MSI2: variants seen among roughly 807,000 people sequenced by gnomAD.
The protein encoded by MSI2 is RNA-binding protein Musashi homolog 2.
MSI2 carries 17 observed loss-of-function variants against 45.6 expected under a neutral mutation model. That is an observed-to-expected ratio of 0.37 (90% CI 0.26 to 0.56). The LOEUF (loss-of-function observed/expected upper bound fraction) is 0.56, where lower values mean the gene tolerates loss of function less well. Ranked by LOEUF, MSI2 falls within the 20% of genes least tolerant of loss-of-function variation. The pLI is 0.77. For synonymous variants in MSI2, 156 were observed against 158.2 expected, an observed-to-expected ratio of 0.99 and a Z score of 0.11; for missense variants, 293 against 444.2, an observed-to-expected ratio of 0.66 and a Z score of 3.06.
intron 5 of MSI2, among the ~76,000 whole-genome samples, chr17:57,314,962 T>C (rs1217582377): frequency 6.6e-6 from 1 of 152,176 alleles, no homozygotes; most frequent in African/African-American, 2.4e-5. Context: ...CAGCCTTGGC[T>C]GCAGGTTAGA....
At chr17:57,570,452 A>G (rs554436328) in intron 7 of MSI2, among the ~76,000 whole-genome samples, 124 of 152,224 alleles carry the variant, frequency 8.1e-4, no homozygotes, top group Middle Eastern at 3.4e-3. Flanking sequence ...ATTATTTGTG[A>G]GTTATCCACG....
At chr17:57,437,408 G>A (rs1157899283) in intron 6 of MSI2, among the ~76,000 whole-genome samples, 1 of 152,166 alleles carries the variant, frequency 6.6e-6, no homozygotes, top group African/African-American at 2.4e-5. Flanking sequence ...GTCAGAACTC[G>A]AATTCCAATT....
chr17:57,367,891 C>T (rs1269441739), intron 5 of MSI2, among the ~76,000 whole-genome samples: 1 of 152,054 alleles, frequency 6.6e-6, no homozygotes, highest in Non-Finnish European at 1.5e-5. Flanking sequence ...GGGTAGGAGA[C>T]GGAGGGTGCC....
intron 6 of MSI2, among the ~76,000 whole-genome samples, chr17:57,478,088 G>A (rs1170662320): frequency 1.3e-5 from 2 of 152,142 alleles, no homozygotes; most frequent in Non-Finnish European, 2.9e-5. Flanking sequence ...AGAAGCTCTC[G>A]GGTCATCTCC....
rs2040532414 is a variant in MSI2 at position 57,309,634 on chromosome 17, T to G, written c.312+47442T>G. On this transcript the variant is annotated intron_variant, in intron 5 of 13. Transcript: ENST00000284073. ...GCACAAATGAGCAAGGATTTAGTCT[T>G]TGTGACTTGATCATCCTTGAGGGGA... 2.0e-5 allele frequency among the ~76,000 whole-genome samples: 3 copies of G among 152,180 alleles called. No individual in the cohort carries two copies. The South Asian group carries it at 6.2e-4, about 32-fold the overall frequency.
rs114726074 is a variant in MSI2, at chr17:57,266,704, T to C, written c.312+4512T>C. Reference sequence around the variant, plus strand: ...AATAAAAAAAAGTACAATGGTGAAATGACTGAAGGAAAATCTTAATTGGAA... The same window carrying C: ...AATAAAAAAAAGTACAATGGTGAAACGACTGAAGGAAAATCTTAATTGGAA... On this transcript the variant is annotated intron_variant, in intron 5 of 13. Transcript: ENST00000284073. 1,504 of 152,302 alleles carry C rather than the reference T, an allele frequency of 9.9e-3. 27 individuals carry two copies. The highest frequency in any genetic ancestry group is 0.034 in the African/African-American group (1,432 of 41,552). The allele number at this position is 152,302 out of a possible 1,614,324, so 9.4% of individuals were successfully genotyped here.
intron 7 of MSI2, among the ~76,000 whole-genome samples, chr17:57,533,839 TG>T (rs1355114796): frequency 2.0e-5 from 3 of 152,170 alleles, no homozygotes; most frequent in Non-Finnish European, 4.4e-5. Context: ...TGATGTGACC[TG>T]GGCTTCCCCT....
chr17:57,568,150 C>T (rs1014056466), intron 7 of MSI2, among the ~76,000 whole-genome samples: 2 of 152,086 alleles, frequency 1.3e-5, no homozygotes, highest in African/African-American at 4.8e-5. Context: ...CACTGCTCTC[C>T]GAGAGGGGAC....
intron 6 of MSI2, among the ~76,000 whole-genome samples, chr17:57,461,382 T>C (rs2085224737): frequency 6.6e-6 from 1 of 152,170 alleles, no homozygotes; most frequent in African/African-American, 2.4e-5. Context: ...AGAGTGCTGA[T>C]GTATTAAAAA....
intron 6 of MSI2, among the ~76,000 whole-genome samples, chr17:57,502,965 A>C (rs2086149482): frequency 6.6e-6 from 1 of 151,582 alleles, no homozygotes. Flanking sequence ...TGTATGAGAC[A>C]CTTAATTTTT....
intron 6 of MSI2, among the ~76,000 whole-genome samples, chr17:57,485,434 G>GA (rs564176760): frequency 3.5e-4 from 53 of 152,246 alleles, no homozygotes; most frequent in African/African-American, 1.1e-3. Context: ...TGCGTATCTG[G>GA]AAAAAAACAG....
intron 7 of MSI2, among the ~76,000 whole-genome samples, chr17:57,561,390 G>A (rs555867547): frequency 1.3e-5 from 2 of 152,200 alleles, no homozygotes; most frequent in African/African-American, 2.4e-5. Context: ...AAAAATCCCC[G>A]CTCTTGCTCT....
intron 6 of MSI2, among the ~76,000 whole-genome samples, chr17:57,463,699 C>G (rs2085274540): frequency 6.6e-6 from 1 of 152,166 alleles, no homozygotes; most frequent in African/African-American, 2.4e-5. Context: ...CAGTGTGAAC[C>G]CACTGCTCCA....
chr17:57,462,870 T>C (rs1388959519), intron 6 of MSI2, among the ~76,000 whole-genome samples: 1 of 152,226 alleles, frequency 6.6e-6, no homozygotes, highest in East Asian at 1.9e-4. Context: ...CTTCCTGTTA[T>C]AGTCTCTGTC....
intron 7 of MSI2, among the ~76,000 whole-genome samples, chr17:57,533,252 A>G (rs1377137804): frequency 2.6e-5 from 4 of 152,200 alleles, no homozygotes; most frequent in African/African-American, 9.6e-5. Flanking sequence ...GAGAGAACCC[A>G]GGACCTAGGA....
At chr17:57,328,035 G>A (rs532968365) in intron 5 of MSI2, among the ~76,000 whole-genome samples, 2 of 152,112 alleles carry the variant, frequency 1.3e-5, no homozygotes, top group Non-Finnish European at 2.9e-5. Flanking sequence ...GAGTGGGTAG[G>A]GGACACAGAT....
At chr17:57,533,554 T>G (rs991040927) in intron 7 of MSI2, among the ~76,000 whole-genome samples, 1 of 152,234 alleles carries the variant, frequency 6.6e-6, no homozygotes, top group Non-Finnish European at 1.5e-5. Context: ...ACTGTGAGAA[T>G]GTTCAAGATG....
intron 5 of MSI2, among the ~76,000 whole-genome samples, chr17:57,338,340 T>A (rs191641983): frequency 1.2e-3 from 190 of 152,346 alleles, no homozygotes; most frequent in African/African-American, 4.4e-3. Context: ...CCCACCCACC[T>A]TGGCCCCCCG....
intron 10 of MSI2, among the ~76,000 whole-genome samples, chr17:57,634,343 G>A (rs894736284): frequency 6.6e-6 from 1 of 152,180 alleles, no homozygotes; most frequent in African/African-American, 2.4e-5. Flanking sequence ...GCGGGTGCCT[G>A]TAGTCCCAGC....
Sources: allele counts gnomAD v4.1 joint callset (sites outside exome capture counted in the v4.1 genomes callset), GRCh38; gene constraint gnomAD v4.1.1; transcripts MANE v1.5; gene names NCBI Gene and HGNC (gene_info 2026-07-23, HGNC 2026-07-21).